P2RY8: variants seen among roughly 807,000 people sequenced by gnomAD.
P2RY8 encodes P2Y receptor family member 8.
A neutral mutation model predicts 10.0 loss-of-function variants in P2RY8; 6 were observed. That is an observed-to-expected ratio of 0.60 (90% CI 0.33 to 1.19). The LOEUF (loss-of-function observed/expected upper bound fraction) is 1.19. P2RY8 is among the 50% of genes most tolerant of loss of function. P2RY8 has a pLI of 0.04. For missense variants in P2RY8, 456 were observed against 542.0 expected, an observed-to-expected ratio of 0.84 and a Z score of 1.58; for synonymous variants, 276 against 252.5, an observed-to-expected ratio of 1.09 and a Z score of -0.88.
intron 1 of P2RY8, among the ~76,000 whole-genome samples, chrX:1,518,246 T>C (rs1262313950): frequency 6.0e-5 from 9 of 151,176 alleles, no homozygotes; most frequent in Non-Finnish European, 1.2e-4. Flanking sequence ...GCCAACATGG[T>C]GAAACCCCGT....
chrX:1,466,048 C>A lies in P2RY8; in HGVS notation c.511G>T (p.Gly171Cys). The change falls in exon 2 of 2, where the codon GGC (glycine) becomes TGC (cysteine). Residue 171 changes from glycine to cysteine, a missense_variant. By Grantham distance (159) the Gly-to-Cys change is radical (BLOSUM62 -3). Transcript: ENST00000381297. The stretch of plus-strand genomic sequence containing the variant: ...AGGACGTCGAAGCAGGTGATGATGC[C>A]CAGGGCGTGCACCGGGTAGGTGAGA... ...TDLTYPVHAL[G>C]IITCFDVLKW... 6.2e-7 allele frequency: 1 copy of A among 1,611,778 alleles called. No homozygotes were observed. The highest frequency in any genetic ancestry group is 8.5e-7 in the Non-Finnish European group (1 of 1,179,758).
chrX:1,531,796 G>A (rs1279561145), intron 1 of P2RY8, among the ~76,000 whole-genome samples: 28 of 152,110 alleles, frequency 1.8e-4, no homozygotes, highest in Non-Finnish European at 3.4e-4. Flanking sequence ...CCGGCTCAGC[G>A]GCATGAAAAC....
At chrX:1,506,718 C>T (rs1262106365) in intron 1 of P2RY8, among the ~76,000 whole-genome samples, 1 of 151,508 alleles carries the variant, frequency 6.6e-6, no homozygotes, top group African/African-American at 2.4e-5. Flanking sequence ...TGCTCTGTCG[C>T]CCAGGCTGGA....
chrX:1,474,907 T>TGGA (rs1357907473), intron 1 of P2RY8, among the ~76,000 whole-genome samples: 2 of 141,034 alleles, frequency 1.4e-5, no homozygotes, highest in African/African-American at 2.7e-5. Flanking sequence ...GATGGATGGA[T>TGGA]AAGTGGGTGG....
intron 1 of P2RY8, among the ~76,000 whole-genome samples, chrX:1,491,048 T>C (rs865866192): frequency 1.6e-3 from 221 of 134,280 alleles, no homozygotes; most frequent in Non-Finnish European, 2.0e-3. Context: ...CTTCTGCAAA[T>C]GTAGAGAGAA....
chrX:1,514,181 C>T (rs2092321221), intron 1 of P2RY8, among the ~76,000 whole-genome samples: 1 of 152,176 alleles, frequency 6.6e-6, no homozygotes, highest in Admixed American at 6.5e-5. Flanking sequence ...GGATTATCTC[C>T]CCACATCCAA....
chrX:1,533,413 A>G (rs2092494874), intron 1 of P2RY8, among the ~76,000 whole-genome samples: 1 of 145,144 alleles, frequency 6.9e-6, no homozygotes, highest in Non-Finnish European at 1.5e-5. Context: ...TTTATTATTT[A>G]TATATTATAT....
intron 1 of P2RY8, among the ~76,000 whole-genome samples, chrX:1,512,404 A>C (rs142256506): frequency 2.0e-5 from 3 of 151,960 alleles, no homozygotes; most frequent in Non-Finnish European, 4.4e-5. Flanking sequence ...AAAATTAGCC[A>C]GGCGTGGTGG....
intron 1 of P2RY8, among the ~76,000 whole-genome samples, chrX:1,523,952 A>G (rs1463892793): frequency 2.0e-5 from 3 of 152,168 alleles, no homozygotes; most frequent in Admixed American, 6.5e-5. Context: ...TGGCCTCCCA[A>G]AGAGCTGGGA....
At chrX:1,520,048 T>A (rs1442952107) in intron 1 of P2RY8, among the ~76,000 whole-genome samples, 1 of 151,758 alleles carries the variant, frequency 6.6e-6, no homozygotes, top group Admixed American at 6.6e-5. Context: ...TGGTCCCCAA[T>A]AATCTCTCTG....
intron 1 of P2RY8, among the ~76,000 whole-genome samples, chrX:1,509,027 C>CATCCATCT (rs1556682509): frequency 9.0e-6 from 1 of 110,656 alleles, no homozygotes; most frequent in Admixed American, 8.4e-5. Flanking sequence ...TCCATCCATC[C>CATCCATCT]ATCCATCCAT....
At chrX:1,480,612 G>C (rs1484726102) in intron 1 of P2RY8, among the ~76,000 whole-genome samples, 1 of 152,016 alleles carries the variant, frequency 6.6e-6, no homozygotes, top group African/African-American at 2.4e-5. Context: ...ATAAGTGGGA[G>C]TTGAACAATG....
At position 1,521,032 on chromosome X, in the gene P2RY8, TTC is replaced by T. The variant is rs200830581; in HGVS notation, c.-25+15887_-25+15888del. On this transcript the variant is annotated intron_variant, in intron 1 of 1. Coordinates refer to ENST00000381297, the MANE Select transcript of P2RY8 (RefSeq NM_178129.5). ...CCCAATATCCTCTCTGATTTTTCTT[TTC>T]TTTTTTTTTTTTTTTTTTTGAGACA... 9.6e-3 allele frequency among the ~76,000 whole-genome samples: 654 copies of T among 68,056 alleles called. 23 individuals carry two copies. The highest frequency in any genetic ancestry group is 0.02 in the African/African-American group (465 of 22,824). 44.6% of individuals were successfully genotyped at this position (68,056 alleles called of 152,430 possible).
intron 1 of P2RY8, among the ~76,000 whole-genome samples, chrX:1,513,732 A>G (rs2092317515): frequency 1.3e-5 from 2 of 149,524 alleles, no homozygotes; most frequent in South Asian, 4.2e-4. Context: ...CTACAATTGT[A>G]TCCAGTTCCT....
intron 1 of P2RY8, among the ~76,000 whole-genome samples, chrX:1,507,102 G>A (rs2092241551): frequency 2.1e-5 from 2 of 95,006 alleles, no homozygotes; most frequent in Admixed American, 1.1e-4. Flanking sequence ...TCAGGTCCCT[G>A]TTTGTTCAAA....
rs1167660277 is a variant in P2RY8 at position 1,509,741 on chromosome X, GTATCTATCTGTC to G, written c.-25+27168_-25+27179del. Among the ~76,000 whole-genome samples, 25 of 39,010 alleles carry G rather than the reference GTATCTATCTGTC, an allele frequency of 6.4e-4. 1 individual carries two copies. The highest frequency in any genetic ancestry group is 1.3e-3 in the Non-Finnish European group (23 of 17,432). The allele number at this position is 39,010 out of a possible 152,430, so 25.6% of individuals were successfully genotyped here. A position where few individuals can be genotyped will look rare whatever the true frequency, so the allele number is the denominator to read the frequency against. On this transcript the variant is annotated intron_variant, in intron 1 of 1. Coordinates refer to ENST00000381297, the MANE Select transcript of P2RY8 (RefSeq NM_178129.5). ...TCTATGCATCTATGTATCTATCTAT[GTATCTATCTGTC>G]TATCTATCTATCTATCTATCTATCT... is the stretch of plus-strand genomic sequence containing the variant.
At chrX:1,532,490 T>C (rs1270545437) in intron 1 of P2RY8, among the ~76,000 whole-genome samples, 3 of 111,764 alleles carry the variant, frequency 2.7e-5, no homozygotes, top group African/African-American at 3.5e-5. Context: ...TATATGTGTA[T>C]ATATACACAT....
intron 1 of P2RY8, among the ~76,000 whole-genome samples, chrX:1,501,090 T>C (rs2092174343): frequency 6.6e-6 from 1 of 152,168 alleles, no homozygotes; most frequent in African/African-American, 2.4e-5. Flanking sequence ...CCAGCCTTCC[T>C]TCCTGTGACA....
chrX:1,466,523 C>T lies in P2RY8; in HGVS notation c.36G>A (p.Ala12=), dbSNP rs1213286270. 2 of 1,609,424 alleles carry T rather than the reference C, an allele frequency of 1.2e-6. No homozygotes were observed. Among genetic ancestry groups the T allele is most frequent in the Admixed American group, 3.3e-5 (2 of 59,928 alleles). The change falls in exon 2 of 2, where the codon GCG becomes GCA. Residue 12 remains alanine (A), a synonymous_variant. Transcript: ENST00000381297. The stretch of plus-strand genomic sequence containing the variant: ...CCGGGTTCCGCAGCATCTGCAGCGT[C>T]GCGTTGTCCGGGCCGGTGCTGTTCG... ...QVPNSTGPDN[A]TLQMLRNPAI...
Sources: allele counts gnomAD v4.1 joint callset (sites outside exome capture counted in the v4.1 genomes callset), GRCh38; gene constraint gnomAD v4.1.1; transcripts MANE v1.5; gene names NCBI Gene and HGNC (gene_info 2026-07-23, HGNC 2026-07-21).